The following NEGR1 variants were observed in gnomAD, a reference collection of about 807,000 sequenced individuals.
NEGR1 encodes neuronal growth regulator 1, also known as IgLON family member 4.
NEGR1 carries 10 observed loss-of-function variants against 40.9 expected under a neutral mutation model. The ratio of observed to expected loss-of-function variants is 0.24; its 90% confidence interval spans 0.15 to 0.42. NEGR1 has a LOEUF of 0.42. Among genes scored for constraint, NEGR1 ranks in the 10% least tolerant of loss-of-function variants. The probability of loss-of-function intolerance (pLI) is 1.00; values close to 1 mark genes in which losing one functional copy is unlikely to be tolerated. For missense variants in NEGR1, 352 were observed against 438.9 expected, an observed-to-expected ratio of 0.80 and a Z score of 1.77; for synonymous variants, 185 against 166.8, an observed-to-expected ratio of 1.11 and a Z score of -0.84.
chr1:72,039,887 G>A (rs955961134), intron 1 of NEGR1, among the ~76,000 whole-genome samples: 2 of 151,922 alleles, frequency 1.3e-5, no homozygotes, highest in Admixed American at 6.6e-5. Flanking sequence ...CAATCTATTT[G>A]AGAAGTGTTT....
chr1:71,667,238 G>A (rs770189826), intron 4 of NEGR1, among the ~76,000 whole-genome samples: 3 of 152,156 alleles, frequency 2.0e-5, no homozygotes, highest in Admixed American at 1.3e-4. Context: ...TGTGACTCTT[G>A]TGAATCAGTT....
intron 6 of NEGR1, among the ~76,000 whole-genome samples, chr1:71,499,892 A>G (rs577394722): frequency 1.3e-5 from 2 of 152,226 alleles, no homozygotes; most frequent in South Asian, 2.1e-4. Context: ...TAGGCCAATA[A>G]CTGTTTAACC....
At chr1:71,735,833 A>G (rs1362222951) in intron 3 of NEGR1, among the ~76,000 whole-genome samples, 1 of 152,138 alleles carries the variant, frequency 6.6e-6, no homozygotes, top group African/African-American at 2.4e-5. Context: ...GCATCTGAGA[A>G]TAATATCAGG....
chr1:71,822,271 C>T (rs997135535), intron 2 of NEGR1, among the ~76,000 whole-genome samples: 5 of 151,790 alleles, frequency 3.3e-5, no homozygotes, highest in African/African-American at 1.2e-4. Context: ...AGAAACACAT[C>T]GATGGACCTA....
chr1:71,789,190 G>A (rs1167314393), intron 2 of NEGR1, among the ~76,000 whole-genome samples: 3 of 152,082 alleles, frequency 2.0e-5, no homozygotes, highest in Non-Finnish European at 4.4e-5. Context: ...GGCTGTAACT[G>A]AACTACTTAG....
chr1:72,151,929 T>C (rs986523760), intron 1 of NEGR1, among the ~76,000 whole-genome samples: 2 of 151,812 alleles, frequency 1.3e-5, no homozygotes, highest in Non-Finnish European at 3.0e-5. Flanking sequence ...GACATAGTAA[T>C]ATTAAAGTAG....
intron 1 of NEGR1, among the ~76,000 whole-genome samples, chr1:72,080,636 T>C (rs1035544683): frequency 6.6e-6 from 1 of 152,070 alleles, no homozygotes; most frequent in South Asian, 2.1e-4. Flanking sequence ...AAGTTAAAAT[T>C]ATAGTATTAT....
chr1:72,143,883 C>CAT (rs200866676), intron 1 of NEGR1, among the ~76,000 whole-genome samples: 28,810 of 125,870 alleles, frequency 0.23, 3,734 homozygotes, highest in South Asian at 0.31. Context: ...ATCATATATT[C>CAT]ATATATATAT....
In NEGR1 at chr1:71,553,566, T is replaced by A. The variant is rs377086698; in HGVS notation, c.940+39251A>T. ...AAGATGAAATTTTAGATAAAAAGGT[T>A]TAAAAAGGCTGATACAATGGAGATA... On this transcript the variant is annotated intron_variant, in intron 6 of 6. Coordinates refer to ENST00000357731, the MANE Select transcript of NEGR1 (RefSeq NM_173808.3). Among the ~76,000 whole-genome samples, 3 of 151,672 alleles carry A rather than the reference T, an allele frequency of 2.0e-5. No individual in the cohort carries two copies. In the East Asian group the frequency reaches 5.9e-4, roughly 30 times the overall value.
intron 2 of NEGR1, among the ~76,000 whole-genome samples, chr1:71,839,378 ATT>A (rs35714893): frequency 1.4e-5 from 2 of 141,822 alleles, no homozygotes. Context: ...TAATTGTTGT[ATT>A]TTTTTTTTTT....
At chr1:72,242,063 T>A (rs577923917) in intron 1 of NEGR1, among the ~76,000 whole-genome samples, 1 of 151,842 alleles carries the variant, frequency 6.6e-6, no homozygotes, top group African/African-American at 2.4e-5. Flanking sequence ...CACAAACTAT[T>A]AATAAGGAGG....
chr1:71,433,272 A>T (rs1278745435), intron 6 of NEGR1, among the ~76,000 whole-genome samples: 1 of 152,238 alleles, frequency 6.6e-6, no homozygotes, highest in African/African-American at 2.4e-5. Context: ...ATGAACTGAG[A>T]TAATAGTGAA....
At chr1:71,934,551 A>T (rs1645886144) in intron 2 of NEGR1, among the ~76,000 whole-genome samples, 1 of 152,158 alleles carries the variant, frequency 6.6e-6, no homozygotes, top group South Asian at 2.1e-4. Context: ...TGCTTGGAGG[A>T]TTGCATTTAA....
intron 3 of NEGR1, among the ~76,000 whole-genome samples, chr1:71,729,253 C>G (rs902586169): frequency 3.3e-5 from 5 of 152,086 alleles, no homozygotes; most frequent in African/African-American, 1.2e-4. Flanking sequence ...TCCAATAACA[C>G]CTTCTCAATG....
intron 6 of NEGR1, among the ~76,000 whole-genome samples, chr1:71,529,311 A>T (rs1334749333): frequency 1.3e-5 from 2 of 151,296 alleles, no homozygotes; most frequent in Admixed American, 1.3e-4. Context: ...TTTTTAGATT[A>T]TTAGCTTGAT....
intron 1 of NEGR1, among the ~76,000 whole-genome samples, chr1:71,944,961 G>T (rs1479474733): frequency 6.6e-6 from 1 of 152,010 alleles, no homozygotes; most frequent in Non-Finnish European, 1.5e-5. Flanking sequence ...AAATTAAGGA[G>T]TATACCCAAG....
chr1:71,774,313 C>G (rs1224707476), intron 3 of NEGR1, among the ~76,000 whole-genome samples: 2 of 152,106 alleles, frequency 1.3e-5, no homozygotes, highest in Non-Finnish European at 2.9e-5. Flanking sequence ...AGAGTCCTGC[C>G]ATGAATTTAA....
At chr1:72,023,620 A>T in intron 1 of NEGR1, among the ~76,000 whole-genome samples, 1 of 150,998 alleles carries the variant, frequency 6.6e-6, no homozygotes. Flanking sequence ...CTTCCATACT[A>T]GATTACAATC....
chr1:72,068,683 T>C (rs1647340899), intron 1 of NEGR1, among the ~76,000 whole-genome samples: 1 of 152,190 alleles, frequency 6.6e-6, no homozygotes, highest in Admixed American at 6.6e-5. Context: ...AAATAGAATG[T>C]TATATAATCA....
Sources: gnomAD v4.1 joint callset for allele counts (sites outside exome capture counted in the v4.1 genomes callset) on GRCh38, gnomAD v4.1.1 for gene constraint, MANE v1.5 for transcripts, NCBI Gene and HGNC (gene_info 2026-07-23, HGNC 2026-07-21) for gene names.